Variants in FKBP5 observed in about 807,000 individuals in gnomAD.
FKBP5 encodes the protein peptidyl-prolyl cis-trans isomerase FKBP5.
In FKBP5, 23 loss-of-function variants were observed where a neutral mutation model predicts 50.5. That is an observed-to-expected ratio of 0.46 (90% CI 0.33 to 0.65). The LOEUF (loss-of-function observed/expected upper bound fraction) is 0.65. Among genes scored for constraint, FKBP5 ranks in the 30% least tolerant of loss-of-function variants. The pLI is 0.02. For missense variants in FKBP5, 411 were observed against 553.1 expected, an observed-to-expected ratio of 0.74 and a Z score of 2.58; for synonymous variants, 176 against 190.6, an observed-to-expected ratio of 0.92 and a Z score of 0.63.
chr6:35,575,812 A>C lies in FKBP5; in HGVS notation c.*23T>G. The C allele has an allele frequency of 2.7e-6, 4 of 1,478,654 alleles. No individual in the cohort carries two copies. The highest frequency in any genetic ancestry group is 2.8e-6 in the Non-Finnish European group (3 of 1,056,926). The allele number at this position is 1,478,654 out of a possible 1,614,324, so 91.6% of individuals were successfully genotyped here. A position where few individuals can be genotyped will look rare whatever the true frequency, so the allele number is the denominator to read the frequency against. On this transcript the variant is annotated 3_prime_UTR_variant, in exon 11 of 11. Coordinates refer to ENST00000357266, the MANE Select transcript of FKBP5 (RefSeq NM_004117.4). ...TTGAGGAGGGGCCGAGTTCACTGGG[A>C]CTCTTCCCTCCTTGGCGTGGCGTCA...
At chr6:35,621,890 G>A (rs1332057977) in intron 3 of FKBP5, among the ~76,000 whole-genome samples, 2 of 149,690 alleles carry the variant, frequency 1.3e-5, no homozygotes, top group Admixed American at 1.3e-4. Context: ...GAGGAGAGAG[G>A]ACTACTTGAG....
At chr6:35,648,626 T>A (rs1042150122) in intron 1 of FKBP5, among the ~76,000 whole-genome samples, 1 of 152,148 alleles carries the variant, frequency 6.6e-6, no homozygotes, top group African/African-American at 2.4e-5. Context: ...ATATTCAATA[T>A]ATCATTTAGT....
At chr6:35,588,146 CTCCGGAGTAGCTGGGATT>C (rs1440415231) in intron 7 of FKBP5, among the ~76,000 whole-genome samples, 1 of 151,884 alleles carries the variant, frequency 6.6e-6, no homozygotes, top group African/African-American at 2.4e-5. Flanking sequence ...CTGCCTCAGC[CTCCGGAGTAGCTGGGATT>C]ACAGGCATGC....
At position 35,574,556 on chromosome 6, in the gene FKBP5, T is replaced by A. The variant is rs1318172415; in HGVS notation, c.*1279A>T. The A allele has an allele frequency of 6.6e-6, 1 of 152,320 alleles. No individual in the cohort carries two copies. Among genetic ancestry groups the A allele is most frequent in the Non-Finnish European group, 1.5e-5 (1 of 68,046 alleles). 9.4% of individuals were successfully genotyped at this position (152,320 alleles called of 1,614,324 possible). ...CTGGAGATTTAGGCTACTGGCTGTG[T>A]ACCGGCATGGGAAGCTGTCTTCAAC... On this transcript the variant is annotated 3_prime_UTR_variant, in exon 11 of 11. Transcript: ENST00000357266.
chr6:35,612,732 C>G (rs1285051936), intron 5 of FKBP5, among the ~76,000 whole-genome samples: 1 of 152,220 alleles, frequency 6.6e-6, no homozygotes, highest in Non-Finnish European at 1.5e-5. Context: ...CCCTGCCAGA[C>G]CCTTATAAAA....
chr6:35,695,475 A>C (rs573118814), intron 2 of FKBP5, among the ~76,000 whole-genome samples: 2 of 152,236 alleles, frequency 1.3e-5, no homozygotes, highest in South Asian at 4.1e-4. Context: ...CATTCCAACC[A>C]CTTCTATTTA....
chr6:35,589,828 T>C (rs971243802), intron 7 of FKBP5, among the ~76,000 whole-genome samples: 1 of 152,146 alleles, frequency 6.6e-6, no homozygotes, highest in South Asian at 2.1e-4. Context: ...ACCAGACATA[T>C]GTTTGTTTGG....
chr6:35,646,218 T>C (rs1764626332), intron 1 of FKBP5, among the ~76,000 whole-genome samples: 1 of 152,240 alleles, frequency 6.6e-6, no homozygotes, highest in African/African-American at 2.4e-5. Context: ...GCAACCTGTA[T>C]AAGCTGATTT....
intron 5 of FKBP5, among the ~76,000 whole-genome samples, chr6:35,606,415 T>C (rs542032912): frequency 3.9e-5 from 6 of 151,984 alleles, no homozygotes; most frequent in Non-Finnish European, 7.4e-5. Flanking sequence ...CCCAGCACTT[T>C]GGGAGGCCGA....
chr6:35,689,129 C>G (rs758440508), upstream of FKBP5, among the ~76,000 whole-genome samples: 1 of 152,210 alleles, frequency 6.6e-6, no homozygotes, highest in Admixed American at 6.5e-5. Context: ...CACCTCCCCA[C>G]GCCAGCCCAC....
Position 35,591,153 on chromosome 6 carries a change from C to T in FKBP5, c.733G>A (p.Val245Ile). The part of the protein sequence containing the change: ...IEPNAELIYE[V>I]TLKSFEKAKE... ...ACCTTTTCGAAGCTCTTAAGTGTAA[C>T]TTCATATATAAGCTCAGCATTAGGT... The change falls in exon 7 of 11, where the codon GTT (valine) becomes ATT (isoleucine). Residue 245 changes from valine to isoleucine, a missense_variant. Val to Ile is a conservative substitution (Grantham distance 29). Around this residue, in one of 3 missense-constraint regions of FKBP5, gnomAD observed 267 missense variants for 405.9 expected, o/e 0.66. Transcript: ENST00000357266. 6.2e-7 allele frequency: 1 copy of T among 1,611,682 alleles called. No individual in the cohort carries two copies. Among genetic ancestry groups the T allele is most frequent in the Non-Finnish European group, 8.5e-7 (1 of 1,178,804 alleles).
chr6:35,675,519 G>A (rs1285207313), intron 1 of FKBP5, among the ~76,000 whole-genome samples: 2 of 152,098 alleles, frequency 1.3e-5, no homozygotes, highest in Non-Finnish European at 1.5e-5. Flanking sequence ...GCAGTGAGCC[G>A]AGATCACGCC....
intron 2 of FKBP5, among the ~76,000 whole-genome samples, chr6:35,637,681 C>T (rs1764357007): frequency 6.6e-6 from 1 of 152,044 alleles, no homozygotes; most frequent in Non-Finnish European, 1.5e-5. Context: ...CCAGGCTGGT[C>T]TCGAACTCCT....
intron 3 of FKBP5, among the ~76,000 whole-genome samples, chr6:35,631,564 C>T (rs912307570): frequency 1.2e-4 from 18 of 151,958 alleles, no homozygotes; most frequent in Admixed American, 3.3e-4. Flanking sequence ...CTTTATTATA[C>T]GTAAATAATA....
At chr6:35,635,383 G>A (rs1045519650) in intron 3 of FKBP5, among the ~76,000 whole-genome samples, 2 of 151,958 alleles carry the variant, frequency 1.3e-5, no homozygotes, top group Non-Finnish European at 2.9e-5. Context: ...GAGTTGGGAG[G>A]ATCACTTGAG....
chr6:35,683,002 GTA>G (rs1427740564), intron 1 of FKBP5, among the ~76,000 whole-genome samples: 1 of 150,304 alleles, frequency 6.7e-6, no homozygotes, highest in African/African-American at 2.5e-5. Flanking sequence ...TAAAATGTAT[GTA>G]TGTGTCTGTG....
chr6:35,615,737 GTGTAAAGT>G (rs1462366643), intron 5 of FKBP5, among the ~76,000 whole-genome samples: 9 of 152,250 alleles, frequency 5.9e-5, no homozygotes, highest in African/African-American at 1.9e-4. Context: ...CAAAATGAGT[GTGTAAAGT>G]TGTGATACAA....
At chr6:35,606,830 ACCATTTGACCCAGCAATC>A (rs997257321) in intron 5 of FKBP5, among the ~76,000 whole-genome samples, 3 of 152,160 alleles carry the variant, frequency 2.0e-5, no homozygotes, top group African/African-American at 7.2e-5. Flanking sequence ...AAATCAAAGT[ACCATTTGACCCAGCAATC>A]CCATTACTGG....
chr6:35,598,388 A>G (rs1763047921), intron 5 of FKBP5, among the ~76,000 whole-genome samples: 1 of 151,564 alleles, frequency 6.6e-6, no homozygotes, highest in African/African-American at 2.4e-5. Flanking sequence ...ACACCCAGCT[A>G]ATTTTGTTAT....
Sources: gnomAD v4.1 joint callset for allele counts (sites outside exome capture counted in the v4.1 genomes callset) on GRCh38, gnomAD v4.1.1 for gene constraint, gnomAD v4.1.1 regional missense constraint, MANE v1.5 for transcripts, NCBI Gene and HGNC (gene_info 2026-07-23, HGNC 2026-07-21) for gene names.